FBN2: variants seen among roughly 807,000 people sequenced by gnomAD.
FBN2 encodes the protein fibrillin 2, also known as fibrillin-2.
Under a neutral mutation model 355.6 loss-of-function variants are expected in FBN2, and 105 were observed. The ratio of observed to expected loss-of-function variants is 0.30; its 90% CI spans 0.25 to 0.35. FBN2 has a LOEUF of 0.35. Ranked by LOEUF, FBN2 falls within the 10% of genes least tolerant of loss-of-function variation. FBN2 has a pLI of 1.00. For synonymous variants in FBN2, 1,350 were observed against 1,301.2 expected (o/e 1.04, Z -0.81); for missense variants, 3,280 against 3,758.7 (o/e 0.87, Z 3.33).
intron 11 of FBN2, among the ~76,000 whole-genome samples, chr5:128,391,720 T>C (rs755878913): frequency 4.6e-5 from 7 of 152,170 alleles, no homozygotes; most frequent in Admixed American, 1.3e-4. Context: ...CATTGTTACA[T>C]AGATTCCTTT....
At chr5:128,324,380 C>A (rs1408461295) in intron 34 of FBN2, among the ~76,000 whole-genome samples, 1 of 152,008 alleles carries the variant, frequency 6.6e-6, no homozygotes, top group Non-Finnish European at 1.5e-5. Context: ...GTGATGTTAG[C>A]GTGTTGATTT....
intron 31 of FBN2, among the ~76,000 whole-genome samples, chr5:128,333,923 C>T (rs1325503540): frequency 1.3e-5 from 2 of 150,922 alleles, no homozygotes; most frequent in African/African-American, 2.4e-5. Context: ...GCAAAGAACA[C>T]CTTCTTTTAT....
chr5:128,350,557 T>A (rs938180368), intron 21 of FBN2, among the ~76,000 whole-genome samples: 1 of 151,790 alleles, frequency 6.6e-6, no homozygotes, highest in Non-Finnish European at 1.5e-5. Flanking sequence ...CTCAAAAAAA[T>A]AAAAGTAAAC....
In FBN2 at chr5:128,335,290, C is replaced by T; in HGVS notation, c.3853G>A (p.Asp1285Asn). ...ATATCAGGATTGTTTTCACATTCAT[C>T]AATGTCTGATGATACAAAATTAGCA... is the stretch of plus-strand genomic sequence containing the variant. ...MPDGRSCADI[D>N]ECENNPDICD... The change falls in exon 30 of 65, where the codon GAT becomes AAT. Residue 1285 changes from aspartate (D) to asparagine (N), a missense_variant. By Grantham distance (23) the Asp-to-Asn change is conservative. Around this residue, in one of 6 missense-constraint regions of FBN2, gnomAD observed 2,284 missense variants for 2,749.5 expected, o/e 0.83. Coordinates refer to ENST00000262464, the MANE Select transcript of FBN2 (RefSeq NM_001999.4). 6.2e-7 allele frequency: 1 copy of T among 1,614,138 alleles called. No individual in the cohort carries two copies. Among genetic ancestry groups the T allele is most frequent in the Non-Finnish European group, 8.5e-7 (1 of 1,179,996 alleles).
chr5:128,421,844 A>T (rs1753356985), intron 7 of FBN2, among the ~76,000 whole-genome samples: 1 of 152,188 alleles, frequency 6.6e-6, no homozygotes, highest in Non-Finnish European at 1.5e-5. Context: ...TTTAGAACCT[A>T]TCAGTATGTG....
At chr5:128,405,711 C>T (rs1752908465) in intron 8 of FBN2, among the ~76,000 whole-genome samples, 1 of 152,166 alleles carries the variant, frequency 6.6e-6, no homozygotes. Context: ...AATTCTACCT[C>T]ATAACTAGTT....
chr5:128,354,371 A>C (rs1561786111), intron 20 of FBN2, among the ~76,000 whole-genome samples: 1 of 152,156 alleles, frequency 6.6e-6, no homozygotes, highest in Non-Finnish European at 1.5e-5. Flanking sequence ...AGCAGGAGCA[A>C]GATCATGAGG....
At chr5:128,379,190 T>C (rs1752164141) in intron 11 of FBN2, among the ~76,000 whole-genome samples, 5 of 152,106 alleles carry the variant, frequency 3.3e-5, no homozygotes, top group Admixed American at 3.3e-4. Flanking sequence ...AAAAGAGAAA[T>C]AGGCTATAAT....
chr5:128,492,040 C>T (rs1362616485), intron 5 of FBN2, among the ~76,000 whole-genome samples: 11 of 152,058 alleles, frequency 7.2e-5, no homozygotes, highest in Admixed American at 7.2e-4. Flanking sequence ...GAGATTCATA[C>T]CTAAATGAGG....
rs539001477 is a variant in FBN2 at position 128,374,819 on chromosome 5, A to C, written c.1973-69T>G. 3.2e-6 allele frequency: 5 copies of C among 1,547,126 alleles called. No homozygotes were observed. The East Asian group carries it at 6.7e-5, about 21-fold the overall frequency. On this transcript the variant is annotated intron_variant, in intron 14 of 64. Transcript: ENST00000262464. ...TAACGTTATTACAGGGTTTACTTGC[A>C]GCCACTGCTCTATACTACTAACCTT...
intron 64 of FBN2, among the ~76,000 whole-genome samples, chr5:128,260,375 C>T (rs528205026): frequency 4.5e-4 from 68 of 152,234 alleles, no homozygotes; most frequent in African/African-American, 1.3e-3. Flanking sequence ...TCTCAGGGCT[C>T]CAGTTCAAAC....
chr5:128,336,374 C>G (rs1750842827), intron 27 of FBN2, among the ~76,000 whole-genome samples: 1 of 152,178 alleles, frequency 6.6e-6, no homozygotes, highest in South Asian at 2.1e-4. Context: ...CTACTGAGTA[C>G]TGGAAATATG....
chr5:128,477,636 C>T (rs760847856), intron 5 of FBN2, among the ~76,000 whole-genome samples: 29 of 152,218 alleles, frequency 1.9e-4, no homozygotes, highest in Middle Eastern at 3.4e-3. Flanking sequence ...GAATAGCTTT[C>T]CTCCACAAAT....
intron 62 of FBN2, 74 bp downstream of exon 62, chr5:128,271,925 C>T: frequency 1.3e-6 from 2 of 1,570,278 alleles, no homozygotes; most frequent in Non-Finnish European, 1.8e-6. Context: ...TCTCAACCCT[C>T]ACAATTTGTT....
At chr5:128,294,205 T>C (rs1367909245) in intron 48 of FBN2, among the ~76,000 whole-genome samples, 1 of 152,148 alleles carries the variant, frequency 6.6e-6, no homozygotes, top group East Asian at 1.9e-4. Context: ...CCATGGTGTA[T>C]ATGTGCCACA....
chr5:128,374,638 A>G lies in FBN2; in HGVS notation c.2085T>C (p.Arg695=). 1.2e-6 allele frequency: 2 copies of G among 1,613,954 alleles called. No homozygotes were observed. Among genetic ancestry groups the G allele is most frequent in the Non-Finnish European group, 1.7e-6 (2 of 1,179,894 alleles). Residue 695 remains arginine, a synonymous_variant, in exon 15 of 65, where the codon CGT becomes CGC. Coordinates refer to ENST00000262464, the MANE Select transcript of FBN2 (RefSeq NM_001999.4). ...PPGLAVGMDG[R]VCVDTHMRST... is the part of the protein sequence containing the mutation. ...AAATGTTTCACTTACCAACACACACACGTCCATCCATGCCCACAGCCAGGC... is the reference window on the plus strand; with the variant it reads ...AAATGTTTCACTTACCAACACACACGCGTCCATCCATGCCCACAGCCAGGC...
intron 7 of FBN2, among the ~76,000 whole-genome samples, chr5:128,431,930 C>A (rs928788576): frequency 1.3e-5 from 2 of 152,142 alleles, no homozygotes; most frequent in African/African-American, 4.8e-5. Flanking sequence ...TTCTGGAATT[C>A]ACCATTAAGA....
chr5:128,428,018 C>A (rs1379446417), intron 7 of FBN2, among the ~76,000 whole-genome samples: 1 of 152,134 alleles, frequency 6.6e-6, no homozygotes, highest in Non-Finnish European at 1.5e-5. Context: ...TTTGAAATTA[C>A]TCAATTCTTT....
intron 5 of FBN2, among the ~76,000 whole-genome samples, chr5:128,500,521 C>T (rs1047875270): frequency 6.8e-6 from 1 of 147,450 alleles, no homozygotes; most frequent in Non-Finnish European, 1.5e-5. Context: ...CGGCCCACTG[C>T]AAGCTCCGCC....
Sources: gnomAD v4.1 joint callset for allele counts (sites outside exome capture counted in the v4.1 genomes callset) on GRCh38, gnomAD v4.1.1 for gene constraint, gnomAD v4.1.1 regional missense constraint, MANE v1.5 for transcripts, NCBI Gene and HGNC (gene_info 2026-07-23, HGNC 2026-07-21) for gene names.